TBC1D2: variants seen among roughly 807,000 people sequenced by gnomAD.
The protein encoded by TBC1D2 is TBC1 domain family member 2.
A neutral mutation model predicts 91.1 loss-of-function variants in TBC1D2; 58 were observed. That is an observed-to-expected ratio of 0.64 (90% CI 0.52 to 0.79). The LOEUF (loss-of-function observed/expected upper bound fraction) is 0.79, where lower values mean the gene tolerates loss of function less well. Among genes scored for constraint, TBC1D2 ranks in the 30% least tolerant of loss-of-function variants. The probability of loss-of-function intolerance (pLI) is 0.00; values close to 1 mark genes in which losing one functional copy is unlikely to be tolerated. For synonymous variants in TBC1D2, 482 were observed against 511.5 expected (o/e 0.94, Z 0.78); for missense variants, 1,080 against 1,208.3 (o/e 0.89, Z 1.57).
chr9:98,221,203 G>A lies in TBC1D2; in HGVS notation c.1004C>T (p.Ala335Val). 5 of 1,550,750 alleles carry A rather than the reference G, an allele frequency of 3.2e-6. No individual in the cohort carries two copies. Among genetic ancestry groups the A allele is most frequent in the Non-Finnish European group, 4.4e-6 (5 of 1,146,092 alleles). Residue 335 changes from alanine (A) to valine (V), a missense_variant, in exon 6 of 13, where the codon GCA becomes GTA. By Grantham distance (64) the Ala-to-Val change is moderately conservative. Transcript: ENST00000465784. ...CTTCTCCTGCTGGGCGGCCTCCAGT[G>A]CCTTGTGCAGGATCTTCACTAGCTC... is the stretch of plus-strand genomic sequence containing the variant. ...QKELVKILHKALEAAQQEKRA... is the reference protein window; with the variant it reads ...QKELVKILHKVLEAAQQEKRA...
At chr9:98,214,856 CT>C (rs1828931704) in intron 6 of TBC1D2, among the ~76,000 whole-genome samples, 1 of 152,168 alleles carries the variant, frequency 6.6e-6, no homozygotes, top group Non-Finnish European at 1.5e-5. Context: ...CGAATGCCCC[CT>C]GTTGACTTTA....
intron 2 of TBC1D2, among the ~76,000 whole-genome samples, chr9:98,249,217 T>A (rs1174949552): frequency 6.6e-6 from 1 of 152,118 alleles, no homozygotes; most frequent in Non-Finnish European, 1.5e-5. Flanking sequence ...AGGAAAGGTT[T>A]CAAGAGGAGA....
chr9:98,246,509 G>A (rs1829767187), intron 2 of TBC1D2, among the ~76,000 whole-genome samples: 1 of 152,166 alleles, frequency 6.6e-6, no homozygotes, highest in Non-Finnish European at 1.5e-5. Context: ...ACCAAACACA[G>A]ACTGGGTGTT....
In TBC1D2 at chr9:98,208,731, C is replaced by T. The variant is rs747321143; in HGVS notation, c.2087G>A (p.Arg696His). The T allele has an allele frequency of 2.2e-5, 35 of 1,558,308 alleles. No individual in the cohort carries two copies. Among genetic ancestry groups the T allele is most frequent in the Admixed American group, 8.9e-5 (5 of 55,974 alleles). The change falls in exon 9 of 13, where the codon CGC becomes CAC. Residue 696 changes from arginine to histidine, a missense_variant. Transcript: ENST00000465784. Reference sequence around the variant, plus strand: ...CCAGGAGAAGGCCAGCAGCACCCGGCGGAGCTTGTCGGGGAAGCTGGAGGT... The same window carrying T: ...CCAGGAGAAGGCCAGCAGCACCCGGTGGAGCTTGTCGGGGAAGCTGGAGGT... ...CPTSSFPDKLRRVLLAFSWQN... is the reference protein window; with the variant it reads ...CPTSSFPDKLHRVLLAFSWQN...
chr9:98,218,567 A>C (rs1829023836), intron 6 of TBC1D2, among the ~76,000 whole-genome samples: 1 of 152,138 alleles, frequency 6.6e-6, no homozygotes, highest in African/African-American at 2.4e-5. Flanking sequence ...ACTCCGTCTC[A>C]AAAAATAAAA....
rs116034647 is a variant in TBC1D2, at chr9:98,207,811, C to T, written c.2150+857G>A. On this transcript the variant is annotated intron_variant, in intron 9 of 12. Coordinates refer to ENST00000465784, the MANE Select transcript of TBC1D2 (RefSeq NM_001267571.2). Reference sequence around the variant, plus strand: ...AGCAGAGCAGTACCTTGGTGCTATACGAGCTCAGGTCATGGCATCCCAGGA... The same window carrying T: ...AGCAGAGCAGTACCTTGGTGCTATATGAGCTCAGGTCATGGCATCCCAGGA... Among the ~76,000 whole-genome samples the T allele has an allele frequency of 5.4e-3, 826 of 152,284 alleles. 8 individuals carry two copies. Among genetic ancestry groups the T allele is most frequent in the African/African-American group, 0.019 (774 of 41,562 alleles).
In TBC1D2 at chr9:98,200,362, A is replaced by G. The variant is rs1341100772; in HGVS notation, c.2470T>C (p.Tyr824His). ...LYEGTKVVFR[Y>H]ALAIFKYNEK... ...TTGTACTTGAAAATGGCCAAGGCAT[A>G]GCGAAACACCACCTGGGGGTAGAGT... Residue 824 changes from tyrosine (Y) to histidine (H), a missense_variant, in exon 12 of 13, where the codon TAT (tyrosine) becomes CAT (histidine). Transcript: ENST00000465784. 1 of 1,572,058 alleles carries G rather than the reference A, an allele frequency of 6.4e-7. No homozygotes were observed. Among genetic ancestry groups the G allele is most frequent in the Non-Finnish European group, 8.6e-7 (1 of 1,156,888 alleles).
intron 4 of TBC1D2, among the ~76,000 whole-genome samples, chr9:98,230,655 G>A (rs530946515): frequency 2.0e-5 from 3 of 152,128 alleles, no homozygotes; most frequent in South Asian, 2.1e-4. Context: ...TTGCTCGGCC[G>A]GGCGTGGTGG....
chr9:98,207,932 C>T (rs1564234158), intron 9 of TBC1D2, among the ~76,000 whole-genome samples: 1 of 152,216 alleles, frequency 6.6e-6, no homozygotes. Flanking sequence ...TGGTCCTCAG[C>T]TGTGTTTTCT....
Position 98,241,971 on chromosome 9 carries a change from C to G in TBC1D2, c.647+2023G>C, listed in dbSNP as rs1454216084. Among the ~76,000 whole-genome samples, 3 of 152,180 alleles carry G rather than the reference C, an allele frequency of 2.0e-5. No individual in the cohort carries two copies. The East Asian group carries it at 5.8e-4, about 29-fold the overall frequency. On this transcript the variant is annotated intron_variant, in intron 3 of 12. Transcript: ENST00000465784. ...ATTGTCTTTTCCCTAAAACCTGATT[C>G]TCTCCTGGAAAGGACGTCACCACCC...
At chr9:98,205,151 C>A (rs909852236) in intron 9 of TBC1D2, among the ~76,000 whole-genome samples, 7 of 152,194 alleles carry the variant, frequency 4.6e-5, no homozygotes, top group Non-Finnish European at 7.3e-5. Context: ...GGAAACAGAA[C>A]CCAGGGCTCC....
chr9:98,221,374 C>T, intron 5 of TBC1D2, 146 bp from the exon 6 acceptor site: 9 of 1,058,072 alleles, frequency 8.5e-6, no homozygotes, highest in Non-Finnish European at 1.1e-5. Flanking sequence ...CACTCACTTT[C>T]TCCTTCTCTG....
intron 3 of TBC1D2, among the ~76,000 whole-genome samples, chr9:98,243,747 G>C (rs1479408650): frequency 6.6e-6 from 1 of 152,138 alleles, no homozygotes; most frequent in African/African-American, 2.4e-5. Context: ...ATGTTGGCCA[G>C]GCTGGTCTCG....
At chr9:98,205,252 A>G (rs1828620134) in intron 9 of TBC1D2, among the ~76,000 whole-genome samples, 1 of 152,204 alleles carries the variant, frequency 6.6e-6, no homozygotes, top group African/African-American at 2.4e-5. Context: ...AGCTGCCAGC[A>G]TTGGTTTAGA....
intron 3 of TBC1D2, among the ~76,000 whole-genome samples, chr9:98,237,691 G>C (rs563359890): frequency 6.6e-6 from 1 of 151,230 alleles, no homozygotes; most frequent in Non-Finnish European, 1.5e-5. Flanking sequence ...TGTATTTTTA[G>C]TAGAGACGGG....
rs1829507128 is a variant in TBC1D2, at chr9:98,236,439, T to C, written c.648-2890A>G. On this transcript the variant is annotated intron_variant, in intron 3 of 12. Coordinates refer to ENST00000465784, the MANE Select transcript of TBC1D2 (RefSeq NM_001267571.2). ...GGTTTTGCCGTTTTGGTCAGGCTGG[T>C]CTCAAACTCCTGACTTCAGGTGATC... 2.0e-5 allele frequency among the ~76,000 whole-genome samples: 3 copies of C among 152,194 alleles called. No homozygotes were observed. In the South Asian group the frequency reaches 6.2e-4, roughly 31 times the overall value.
intron 2 of TBC1D2, among the ~76,000 whole-genome samples, chr9:98,245,528 C>T (rs1339390982): frequency 6.6e-6 from 1 of 151,994 alleles, no homozygotes; most frequent in Non-Finnish European, 1.5e-5. Context: ...GATGGTGCCA[C>T]TGCATTCCAG....
At chr9:98,209,764 C>CTTCCTTCCTTCCTTCCTTCCTTCCTTCCT (rs1828774424) in intron 8 of TBC1D2, among the ~76,000 whole-genome samples, 1 of 136,488 alleles carries the variant, frequency 7.3e-6, no homozygotes, top group Non-Finnish European at 1.6e-5. Context: ...CCTTTCCTTC[C>CTTCCTTCCTTCCTTCCTTCCTTCCTTCCT]TTCCTTCCTT....
At chr9:98,215,996 A>C (rs1197431040) in intron 6 of TBC1D2, among the ~76,000 whole-genome samples, 2 of 152,156 alleles carry the variant, frequency 1.3e-5, no homozygotes, top group East Asian at 3.9e-4. Context: ...GTATAACAAC[A>C]CATCAAAGAC....
Sources: allele counts gnomAD v4.1 joint callset (sites outside exome capture counted in the v4.1 genomes callset), GRCh38; gene constraint gnomAD v4.1.1; transcripts MANE v1.5; gene names NCBI Gene and HGNC (gene_info 2026-07-23, HGNC 2026-07-21).